The following CPSF7 variants were observed in gnomAD, a reference collection of about 807,000 sequenced individuals.
CPSF7 encodes cleavage and polyadenylation specific factor 7.
CPSF7 carries 1 observed loss-of-function variant against 44.3 expected under a neutral mutation model. The ratio of observed to expected loss-of-function variants is 0.02; its 90% confidence interval spans 0.01 to 0.11. The LOEUF (loss-of-function observed/expected upper bound fraction) is 0.11, where lower values mean the gene tolerates loss of function less well. Among genes scored for constraint, CPSF7 ranks in the 10% least tolerant of loss-of-function variants. The pLI, the probability that CPSF7 is intolerant of heterozygous loss-of-function variation, is 1.00. For synonymous variants in CPSF7, 202 were observed against 222.0 expected (o/e 0.91, Z 0.80); for missense variants, 443 against 607.2 (o/e 0.73, Z 2.84).
rs375092308 is a variant in CPSF7 at position 61,419,962 on chromosome 11, T to C, written c.510A>G (p.Ala170=). The part of the protein sequence containing the change: ...ATRQNLSQFE[A]QARKRIPPRA... ...GGACACACTCACGTTTCCGAGCCTG[T>C]GCCTCAAACTGTGACAGGTTCTGCC... The change falls in exon 5 of 10, where the codon GCA becomes GCG. Residue 170 remains alanine, a synonymous_variant. Coordinates refer to ENST00000439958, the MANE Select transcript of CPSF7 (RefSeq NM_001142565.3). 12 of 1,613,872 alleles carry C rather than the reference T, an allele frequency of 7.4e-6. No individual in the cohort carries two copies. In the African/African-American group the frequency reaches 1.6e-4, roughly 22 times the overall value.
chr11:61,414,977 C>T (rs986788612), intron 7 of CPSF7, among the ~76,000 whole-genome samples: 3 of 152,194 alleles, frequency 2.0e-5, no homozygotes, highest in Non-Finnish European at 4.4e-5. Flanking sequence ...TGGCTCACAC[C>T]TGTAATCCTA....
intron 2 of CPSF7, among the ~76,000 whole-genome samples, chr11:61,426,265 A>T (rs915305853): frequency 4.6e-5 from 7 of 152,170 alleles, no homozygotes; most frequent in African/African-American, 1.7e-4. Flanking sequence ...TCTAAAACAC[A>T]ATTTGTACTG....
intron 9 of CPSF7, among the ~76,000 whole-genome samples, chr11:61,408,968 CAGG>C (rs1859591610): frequency 6.6e-6 from 1 of 151,852 alleles, no homozygotes; most frequent in Non-Finnish European, 1.5e-5. Context: ...CACTTGAGGC[CAGG>C]AGTTCAAGAC....
intron 9 of CPSF7, 120 bp from the exon 10 acceptor site, chr11:61,404,824 C>G (rs1417828704): frequency 6.6e-6 from 1 of 152,152 alleles, no homozygotes; most frequent in Non-Finnish European, 1.5e-5. Flanking sequence ...GTAAGGAATG[C>G]AGACAGAGAA....
rs1859102828 is a variant in CPSF7, at chr11:61,404,131, T to G, written c.*579A>C. 1 of 152,540 alleles carries G rather than the reference T, an allele frequency of 6.6e-6. No individual in the cohort carries two copies. The highest frequency in any genetic ancestry group is 6.5e-5 in the Admixed American group (1 of 15,274). The allele number at this position is 152,540 out of a possible 1,614,324, so 9.4% of individuals were successfully genotyped here. A position where few individuals can be genotyped will look rare whatever the true frequency, so the allele number is the denominator to read the frequency against. ...GTGAGAGGGAAAGCAGGAACAGAAG[T>G]AGCTTTTCATAAGGTAATTTCTGTT... On this transcript the variant is annotated 3_prime_UTR_variant, in exon 10 of 10. Coordinates refer to ENST00000439958, the MANE Select transcript of CPSF7 (RefSeq NM_001142565.3).
At chr11:61,417,114 TAAGTGA>T (rs528052080) in intron 5 of CPSF7, among the ~76,000 whole-genome samples, 21 of 152,166 alleles carry the variant, frequency 1.4e-4, no homozygotes, top group East Asian at 1.2e-3. Context: ...AACTGGAGGT[TAAGTGA>T]AAGATAAGAA....
At position 61,420,519 on chromosome 11, in the gene CPSF7, C is replaced by T; in HGVS notation, c.328G>A (p.Val110Met). 6.2e-7 allele frequency: 1 copy of T among 1,614,180 alleles called. No individual in the cohort carries two copies. The highest frequency in any genetic ancestry group is 8.5e-7 in the Non-Finnish European group (1 of 1,180,032). Residue 110 changes from valine to methionine, a missense_variant, in exon 4 of 10, where the codon GTG becomes ATG. Val to Met is a conservative substitution (Grantham distance 21). Coordinates refer to ENST00000439958, the MANE Select transcript of CPSF7 (RefSeq NM_001142565.3). ...TTCTCTGCAAATTTCAACTCCACCACATCATAGACTCCTATAGAGCGAATA... is the reference window on the plus strand; with the variant it reads ...TTCTCTGCAAATTTCAACTCCACCATATCATAGACTCCTATAGAGCGAATA... ...QVIRSIGVYD[V>M]VELKFAENRA...
Position 61,429,423 on chromosome 11 carries a change from C to T in CPSF7, c.-55-133G>A, listed in dbSNP as rs1861725233. 16 of 567,044 alleles carry T rather than the reference C, an allele frequency of 2.8e-5. No individual in the cohort carries two copies. The Admixed American group carries it at 4.9e-4, about 17-fold the overall frequency. The allele number at this position is 567,044 out of a possible 1,614,324, so 35.1% of individuals were successfully genotyped here. A position where few individuals can be genotyped will look rare whatever the true frequency, so the allele number is the denominator to read the frequency against. ...CCCCAGCTCGGCCCCACCCGCTCCG[C>T]CCCGCCCCCGGCCTCGCGCCGCCCA... On this transcript the variant is annotated intron_variant, in intron 1 of 9. Transcript: ENST00000439958.
rs185070681 is a variant in CPSF7 at position 61,411,769 on chromosome 11, C to G, written c.1226G>C (p.Arg409Thr). The G allele has an allele frequency of 1.9e-6, 3 of 1,609,804 alleles. No individual in the cohort carries two copies. The highest frequency in any genetic ancestry group is 1.3e-5 in the African/African-American group (1 of 74,970). Residue 409 changes from arginine (R) to threonine (T), a missense_variant and splice_region_variant, in exon 8 of 10, where the codon AGG becomes ACG. Arg to Thr is a moderately conservative substitution (Grantham distance 71). Transcript: ENST00000439958. ...GGTGAGGACACAATCACCAACTCAC[C>G]TGGAAGAGCTCCCACTGGCACCCAC... ...YSVGASGSSS[R>T]KRHRSRERSP...
Position 61,411,848 on chromosome 11 carries a change from G to C in CPSF7, c.1147C>G (p.Leu383Val). The C allele has an allele frequency of 6.2e-7, 1 of 1,614,058 alleles. No individual in the cohort carries two copies. Among genetic ancestry groups the C allele is most frequent in the Non-Finnish European group, 8.5e-7 (1 of 1,179,934 alleles). ...AGACAGTCCTTAAGAGAGGAGATGA[G>C]GACACGGCAACGCTCATCATTGGCA... ...RVANDERCRVLISSLKDCLHG... is the reference protein window; with the variant it reads ...RVANDERCRVVISSLKDCLHG... The change falls in exon 8 of 10, where the codon CTC becomes GTC. Residue 383 changes from leucine to valine, a missense_variant. Physicochemically the swap from Leu to Val is conservative, Grantham distance 32. Transcript: ENST00000439958.
intron 5 of CPSF7, among the ~76,000 whole-genome samples, chr11:61,418,499 A>G (rs1173683536): frequency 6.6e-6 from 1 of 152,192 alleles, no homozygotes. Context: ...TTCATAAACC[A>G]TAACACCAAT....
chr11:61,414,835 G>C (rs1252270521), intron 7 of CPSF7, among the ~76,000 whole-genome samples: 5 of 152,236 alleles, frequency 3.3e-5, no homozygotes, highest in Admixed American at 1.3e-4. Flanking sequence ...AAAGTTAGCT[G>C]TAAGGGCATA....
rs1167401334 is a variant in CPSF7 at position 61,421,002 on chromosome 11, A to G, written c.273+388T>C. Reference sequence around the variant, plus strand: ...AATAACTTGCAGAACAACAGTCACCACCTACCCCAAGTATACTAGAGTTAT... The same window carrying G: ...AATAACTTGCAGAACAACAGTCACCGCCTACCCCAAGTATACTAGAGTTAT... On this transcript the variant is annotated intron_variant, in intron 3 of 9. Transcript: ENST00000439958. The G allele has an allele frequency of 2.8e-6, 3 of 1,064,124 alleles. No individual in the cohort carries two copies. The African/African-American group carries it at 4.8e-5, about 17-fold the overall frequency. The allele number at this position is 1,064,124 out of a possible 1,614,324, so 65.9% of individuals were successfully genotyped here. A position where few individuals can be genotyped will look rare whatever the true frequency, so the allele number is the denominator to read the frequency against.
intron 9 of CPSF7, among the ~76,000 whole-genome samples, chr11:61,408,565 AT>A (rs1053148547): frequency 2.6e-5 from 4 of 152,076 alleles, no homozygotes; most frequent in African/African-American, 9.7e-5. Flanking sequence ...ACTCTGGCCT[AT>A]TTTAAAGATT....
In CPSF7 at chr11:61,429,565, T is replaced by C. The variant is rs941626428; in HGVS notation, c.-55-275A>G. 4 of 620,608 alleles carry C rather than the reference T, an allele frequency of 6.4e-6. No homozygotes were observed. The Admixed American group carries it at 1.0e-4, about 16-fold the overall frequency. 38.4% of individuals were successfully genotyped at this position (620,608 alleles called of 1,614,324 possible). A position where few individuals can be genotyped will look rare whatever the true frequency, so the allele number is the denominator to read the frequency against. Reference sequence around the variant, plus strand: ...ACGGAAAAGTCCCACCCTCGGGTCCTAGTGGCCCTAGGACGGCGTTGCGAA... The same window carrying C: ...ACGGAAAAGTCCCACCCTCGGGTCCCAGTGGCCCTAGGACGGCGTTGCGAA... On this transcript the variant is annotated intron_variant, in intron 1 of 9. Transcript: ENST00000439958.
chr11:61,420,648 T>C, intron 3 of CPSF7, 75 bp from the exon 4 acceptor site: 1 of 1,162,680 alleles, frequency 8.6e-7, no homozygotes, highest in Middle Eastern at 2.2e-4. Flanking sequence ...AAACCCAGGA[T>C]TCTAGTCACA....
At chr11:61,425,114 A>C (rs975428583) in intron 2 of CPSF7, among the ~76,000 whole-genome samples, 1 of 152,254 alleles carries the variant, frequency 6.6e-6, no homozygotes, top group African/African-American at 2.4e-5. Flanking sequence ...CAAAATTATC[A>C]CAAGATTTAA....
intron 4 of CPSF7, 39 bp downstream of exon 4, chr11:61,420,431 G>C (rs149090327): frequency 1.4e-4 from 211 of 1,517,546 alleles, no homozygotes; most frequent in Non-Finnish European, 2.7e-6. Flanking sequence ...TATCCCAATG[G>C]TTACAAATTA....
intron 3 of CPSF7, 150 bp from the exon 4 acceptor site, chr11:61,420,723 T>C (rs1860783706): frequency 3.2e-6 from 2 of 630,252 alleles, no homozygotes; most frequent in Non-Finnish European, 5.6e-6. Flanking sequence ...ACTTTTCTTA[T>C]TGTCCTCACC....
Sources: allele counts gnomAD v4.1 joint callset (sites outside exome capture counted in the v4.1 genomes callset), GRCh38; gene constraint gnomAD v4.1.1; transcripts MANE v1.5; gene names NCBI Gene and HGNC (gene_info 2026-07-23, HGNC 2026-07-21).